ZNF875: variants seen among roughly 807,000 people sequenced by gnomAD.
ZNF875 encodes HKR1, GLI-Kruppel zinc finger family member.
In ZNF875, 14 loss-of-function variants were observed where a neutral mutation model predicts 11.2. The observed-to-expected ratio is 1.26, with a 90% CI of 0.83 to 1.96. The LOEUF is 1.96. Among genes scored for constraint, ZNF875 ranks in the 30% most tolerant of loss-of-function variants. The pLI, the probability that ZNF875 is intolerant of heterozygous loss-of-function variation, is 0.00. For missense variants in ZNF875, 752 were observed against 760.4 expected (o/e 0.99, Z 0.13); for synonymous variants, 301 against 281.1 (o/e 1.07, Z -0.71).
At chr19:37,323,331 T>G (rs2031852905) in intron 2 of ZNF875, among the ~76,000 whole-genome samples, 1 of 152,024 alleles carries the variant, frequency 6.6e-6, no homozygotes, top group Non-Finnish European at 1.5e-5. Flanking sequence ...TTTTTTAATA[T>G]TTTTAGTGGA....
At chr19:37,335,083 C>G (rs2034062082) in intron 1 of ZNF875, 86 bp from the exon 2 acceptor site, 2 of 624,594 alleles carry the variant, frequency 3.2e-6, no homozygotes, top group Admixed American at 2.3e-5. Context: ...CAGACCCCAA[C>G]TGTGGGGCTC....
intron 4 of ZNF875, among the ~76,000 whole-genome samples, chr19:37,352,795 A>G (rs536025424): frequency 4.0e-5 from 6 of 148,470 alleles, no homozygotes; most frequent in South Asian, 2.1e-4. Flanking sequence ...GTTTTCTCCA[A>G]TGTGTTTTTA....
intron 2 of ZNF875, among the ~76,000 whole-genome samples, chr19:37,344,257 AGTT>A (rs1217254146): frequency 6.6e-6 from 1 of 152,204 alleles, no homozygotes; most frequent in Non-Finnish European, 1.5e-5. Context: ...GCCACTGAGT[AGTT>A]GTTAAACTTT....
chr19:37,318,797 A>G (rs544490961), intron 1 of ZNF875, among the ~76,000 whole-genome samples: 1 of 152,282 alleles, frequency 6.6e-6, no homozygotes, highest in South Asian at 2.1e-4. Context: ...CAGGGATTAC[A>G]GGTGTGAGCC....
At chr19:37,319,344 C>CATATATATGTATATATATAT (rs1555790746) in intron 1 of ZNF875, among the ~76,000 whole-genome samples, 2 of 112,350 alleles carry the variant, frequency 1.8e-5, no homozygotes, top group African/African-American at 8.4e-5. Flanking sequence ...CTGCAGCCGG[C>CATATATATGTATATATATAT]ATATATATAT....
Position 37,363,481 on chromosome 19 carries a change from T to A in ZNF875, c.1629T>A (p.Phe543Leu). 1.2e-6 allele frequency: 2 copies of A among 1,613,718 alleles called. No homozygotes were observed. Among genetic ancestry groups the A allele is most frequent in the Non-Finnish European group, 1.7e-6 (2 of 1,179,762 alleles). ...TGTGCAGGGAGTGTGGCAGAAGGTT[T>A]CGGCAGAAGCCTAACCTGTTTAGGC... ...PFMCRECGRRFRQKPNLFRHK... is the reference protein window; with the variant it reads ...PFMCRECGRRLRQKPNLFRHK... The change falls in exon 5 of 5, where the codon TTT (phenylalanine) becomes TTA (leucine). Residue 543 changes from phenylalanine to leucine, a missense_variant. Transcript: ENST00000392153.
chr19:37,363,661 C>A lies in ZNF875; in HGVS notation c.1809C>A (p.Leu603=), dbSNP rs2040362820. Residue 603 remains leucine, a synonymous_variant, in exon 5 of 5, where the codon CTC becomes CTA. Transcript: ENST00000392153. ...AAGGCTTTAGCCGGCAGTCACACCT[C>A]ATTAGACACCAGAGGACACATTCAG... ...CGQGFSRQSH[L]IRHQRTHSGE... is the part of the protein sequence containing the mutation. 6.2e-7 allele frequency: 1 copy of A among 1,613,194 alleles called. No homozygotes were observed. The highest frequency in any genetic ancestry group is 8.5e-7 in the Non-Finnish European group (1 of 1,179,612).
intron 4 of ZNF875, among the ~76,000 whole-genome samples, chr19:37,351,637 C>A (rs1267153239): frequency 6.6e-6 from 1 of 152,086 alleles, no homozygotes; most frequent in Non-Finnish European, 1.5e-5. Context: ...TCATTTAGTT[C>A]ATGATATTTT....
chr19:37,352,666 T>G (rs1343406971), intron 4 of ZNF875, among the ~76,000 whole-genome samples: 1 of 152,168 alleles, frequency 6.6e-6, no homozygotes, highest in Admixed American at 6.5e-5. Flanking sequence ...TATAGTTGAT[T>G]TTTTTCTTCT....
At chr19:37,345,202 T>G (rs140152615) in intron 2 of ZNF875, among the ~76,000 whole-genome samples, 105 of 152,262 alleles carry the variant, frequency 6.9e-4, no homozygotes, top group African/African-American at 2.5e-3. Flanking sequence ...ATCCATAATT[T>G]AAAACACCAC....
intron 2 of ZNF875, among the ~76,000 whole-genome samples, chr19:37,345,230 A>G (rs2036545858): frequency 6.6e-6 from 1 of 152,240 alleles, no homozygotes; most frequent in Non-Finnish European, 1.5e-5. Context: ...GCTCTAAAAT[A>G]TAGCCAGAGA....
intron 2 of ZNF875, chr19:37,344,636 C>G (rs771985100): frequency 6.4e-7 from 1 of 1,559,818 alleles, no homozygotes; most frequent in Non-Finnish European, 8.8e-7. Flanking sequence ...TTAACTCCCC[C>G]AAGCTTCTAG....
In ZNF875 at chr19:37,363,743, C is replaced by CT; in HGVS notation, c.1893dup (p.Ile632TyrfsTer16). On this transcript the variant is annotated frameshift_variant, in exon 5 of 5. Transcript: ENST00000392153. LOFTEE classifies it high-confidence loss of function. ...ACGGGGCTTTAGTCGGAAGTCCAAC[C>CT]TTATCAGACATCAGAGGACACACTC... 6.2e-7 allele frequency: 1 copy of CT among 1,614,030 alleles called. No homozygotes were observed.
chr19:37,356,547 T>C (rs2038945486), intron 4 of ZNF875, among the ~76,000 whole-genome samples: 1 of 152,208 alleles, frequency 6.6e-6, no homozygotes, highest in Admixed American at 6.5e-5. Context: ...AAGATCTCTT[T>C]GTGGTTGTAA....
intron 2 of ZNF875, chr19:37,344,745 A>G (rs1555802713): frequency 1.2e-6 from 2 of 1,610,456 alleles, no homozygotes; most frequent in South Asian, 2.2e-5. Context: ...CAGACAAACC[A>G]TGAGTTGTTC....
chr19:37,336,706 A>AG (rs200311409), intron 2 of ZNF875, among the ~76,000 whole-genome samples: 3,704 of 149,766 alleles, frequency 0.025, 172 homozygotes, highest in African/African-American at 0.085. Flanking sequence ...CAGGAGATGG[A>AG]GACCATCCTG....
In ZNF875 at chr19:37,335,322, C is replaced by CA. The variant is rs2034126993; in HGVS notation, c.33+65_33+66insA. 4.6e-6 allele frequency: 3 copies of CA among 656,790 alleles called. No homozygotes were observed. In the South Asian group the frequency reaches 4.7e-5, roughly 10 times the overall value. The allele number at this position is 656,790 out of a possible 1,614,324, so 40.7% of individuals were successfully genotyped here. The stretch of plus-strand genomic sequence containing the variant: ...ATGGGTCCCATTACCTTTTCTTGTC[C>CA]TGGAGGCTGCCTTGTTGGTATTGGG... On this transcript the variant is annotated intron_variant, in intron 2 of 4. Coordinates refer to ENST00000392153, the MANE Select transcript of ZNF875 (RefSeq NM_001353803.2).
intron 4 of ZNF875, chr19:37,358,024 CTCT>C: frequency 2.5e-6 from 1 of 392,706 alleles, no homozygotes; most frequent in Non-Finnish European, 4.5e-6. Context: ...TCACAGATAA[CTCT>C]TCTTATTTTG....
chr19:37,331,231 CTTTTTTTTTTT>C (rs142005460), upstream of ZNF875, among the ~76,000 whole-genome samples: 6 of 63,832 alleles, frequency 9.4e-5, no homozygotes, highest in Non-Finnish European at 2.6e-5. Context: ...TAACTCCTTG[CTTTTTTTTTTT>C]TTTTTTTTGA....
Sources: allele counts gnomAD v4.1 joint callset (sites outside exome capture counted in the v4.1 genomes callset), GRCh38; gene constraint gnomAD v4.1.1; transcripts MANE v1.5; gene names NCBI Gene and HGNC (gene_info 2026-07-23, HGNC 2026-07-21).